HAVCR1: variants seen among roughly 807,000 people sequenced by gnomAD.
HAVCR1 encodes the protein hepatitis A virus cellular receptor 1, also known as T cell immunoglobin domain and mucin domain protein 1.
Under a neutral mutation model 32.0 loss-of-function variants are expected in HAVCR1, and 34 were observed. That is an observed-to-expected ratio of 1.06 (90% CI 0.81 to 1.42). The LOEUF (loss-of-function observed/expected upper bound fraction) is 1.42, where lower values mean the gene tolerates loss of function less well. Ranked by LOEUF, HAVCR1 falls within the 40% of genes most tolerant of loss-of-function variation. HAVCR1 has a pLI of 0.00. For missense variants in HAVCR1, 420 were observed against 442.3 expected (o/e 0.95, Z 0.45); for synonymous variants, 178 against 170.3 (o/e 1.05, Z -0.35).
the HAVCR1 span, among the ~76,000 whole-genome samples, chr5:157,066,522 G>T: frequency 8.3e-6 from 1 of 120,002 alleles, no homozygotes; most frequent in African/African-American, 2.9e-5. Context: ...AAAAATAAAA[G>T]TTTTGCAAAA....
At chr5:157,042,479 A>C (rs1324741956) in intron 6 of HAVCR1, 148 bp downstream of exon 6, 6 of 538,092 alleles carry the variant, frequency 1.1e-5, no homozygotes, top group South Asian at 3.0e-5. Flanking sequence ...ATCCTATTTA[A>C]GAGTGAAATT....
intron 3 of HAVCR1, among the ~76,000 whole-genome samples, chr5:157,054,868 G>A (rs966211490): frequency 3.9e-5 from 6 of 152,304 alleles, no homozygotes; most frequent in African/African-American, 1.4e-4. Flanking sequence ...ATGGGACTAT[G>A]TGCATAGTTT....
the HAVCR1 span, among the ~76,000 whole-genome samples, chr5:157,066,052 T>C: frequency 5.9e-3 from 331 of 56,014 alleles, 6 homozygotes; most frequent in African/African-American, 0.029. Context: ...CGAGACTCCG[T>C]CTTAAAAAAA....
chr5:157,061,282 C>A (rs1268256006), upstream of HAVCR1, among the ~76,000 whole-genome samples: 6 of 151,954 alleles, frequency 3.9e-5, no homozygotes, highest in Non-Finnish European at 8.8e-5. Context: ...TGAGATGGCA[C>A]CACTGCACTC....
intron 2 of HAVCR1, among the ~76,000 whole-genome samples, chr5:157,057,511 T>A (rs1756284272): frequency 6.6e-6 from 1 of 151,144 alleles, no homozygotes; most frequent in South Asian, 2.1e-4. Context: ...AAAAATACAA[T>A]AAGGATTAAC....
chr5:157,034,933 C>T, intron 7 of HAVCR1, among the ~76,000 whole-genome samples: 1 of 152,046 alleles, frequency 6.6e-6, no homozygotes, highest in East Asian at 1.9e-4. Context: ...TTCCTTATGT[C>T]TTCTTCTTTC....
At chr5:157,068,352 T>C in the HAVCR1 span, among the ~76,000 whole-genome samples, 8 of 151,956 alleles carry the variant, frequency 5.3e-5, no homozygotes, top group Non-Finnish European at 8.8e-5. Flanking sequence ...GGGAGGCCGA[T>C]GCAAGTGGAT....
intron 6 of HAVCR1, among the ~76,000 whole-genome samples, chr5:157,039,537 G>T (rs6862569): frequency 1.3e-5 from 2 of 151,852 alleles, no homozygotes; most frequent in Non-Finnish European, 2.9e-5. Context: ...TTAGTACAGA[G>T]GAGGTTTCAT....
intron 6 of HAVCR1, among the ~76,000 whole-genome samples, chr5:157,037,906 T>A (rs1209451691): frequency 6.6e-6 from 1 of 151,774 alleles, no homozygotes; most frequent in Admixed American, 6.6e-5. Flanking sequence ...CCCAGCTACT[T>A]GGGAGGCGGA....
intron 7 of HAVCR1, among the ~76,000 whole-genome samples, chr5:157,035,071 A>G (rs1009390236): frequency 2.6e-5 from 4 of 152,136 alleles, no homozygotes; most frequent in Non-Finnish European, 5.9e-5. Context: ...AGAAAAGGGT[A>G]TTTAAGCTCC....
chr5:157,056,976 T>C (rs1350469094), intron 2 of HAVCR1, among the ~76,000 whole-genome samples: 1 of 151,556 alleles, frequency 6.6e-6, no homozygotes, highest in African/African-American at 2.4e-5. Flanking sequence ...GAGACTGAGG[T>C]GGGAGAATCA....
At chr5:157,041,891 T>A (rs1754919939) in intron 6 of HAVCR1, among the ~76,000 whole-genome samples, 1 of 152,142 alleles carries the variant, frequency 6.6e-6, no homozygotes, top group Non-Finnish European at 1.5e-5. Flanking sequence ...AAACCCCACC[T>A]CTACTAAAAA....
chr5:157,042,372 G>A (rs974686343), intron 6 of HAVCR1, among the ~76,000 whole-genome samples: 1 of 148,790 alleles, frequency 6.7e-6, no homozygotes, highest in African/African-American at 2.5e-5. Context: ...AACCCGGGAA[G>A]CGGAGCTTAC....
rs1335598182 is a variant in HAVCR1 at position 157,041,507 on chromosome 5, AAAAG to A, written c.837+1116_837+1119del. Among the ~76,000 whole-genome samples, 24 of 152,256 alleles carry A rather than the reference AAAAG, an allele frequency of 1.6e-4. No homozygotes were observed. In the East Asian group the frequency reaches 3.1e-3, roughly 20 times the overall value. ...AACAAGACTGTCTCAAAAAATAAAA[AAAAG>A]AAAGAAAGAATAAAAAGTCATCCCA... On this transcript the variant is annotated intron_variant, in intron 6 of 8. Transcript: ENST00000523175.
Position 157,052,438 on chromosome 5 carries a change from G to A in HAVCR1, c.596C>T (p.Thr199Ile), listed in dbSNP as rs1755797435. Residue 199 changes from threonine (T) to isoleucine (I), a missense_variant, in exon 4 of 9, where the codon ACA (threonine) becomes ATA (isoleucine). Coordinates refer to ENST00000523175, the MANE Select transcript of HAVCR1 (RefSeq NM_001173393.3). ...SVPTTTSIPT[T>I]TSVPVTTTVS... ...AGTTGTTGTCACTGGAACACTTGTT[G>A]TTGTTGGAATGCTCGTTGTCGTTGG... 6.2e-7 allele frequency: 1 copy of A among 1,613,416 alleles called. No individual in the cohort carries two copies. The highest frequency in any genetic ancestry group is 8.5e-7 in the Non-Finnish European group (1 of 1,179,546).
intron 7 of HAVCR1, among the ~76,000 whole-genome samples, chr5:157,035,476 G>A (rs1320912798): frequency 1.3e-5 from 2 of 152,150 alleles, no homozygotes; most frequent in Admixed American, 6.6e-5. Context: ...TAGCAGAAGG[G>A]AGACATGAAG....
chr5:157,057,318 A>G (rs1186056643), intron 2 of HAVCR1, among the ~76,000 whole-genome samples: 2 of 150,740 alleles, frequency 1.3e-5, no homozygotes, highest in African/African-American at 4.9e-5. Flanking sequence ...TCTGTCTCAA[A>G]AAAAAAAAGA....
intron 3 of HAVCR1, among the ~76,000 whole-genome samples, chr5:157,053,079 A>AT (rs772147353): frequency 5.9e-5 from 9 of 152,050 alleles, no homozygotes; most frequent in Non-Finnish European, 1.3e-4. Flanking sequence ...CACCCGGCTA[A>AT]TTTTTAAAAA....
At chr5:157,035,238 A>G (rs569171788) in intron 7 of HAVCR1, among the ~76,000 whole-genome samples, 1 of 152,232 alleles carries the variant, frequency 6.6e-6, no homozygotes, top group South Asian at 2.1e-4. Flanking sequence ...ACTTCCCTGC[A>G]AGGTATTTTA....
Sources: gnomAD v4.1 joint callset for allele counts (sites outside exome capture counted in the v4.1 genomes callset) on GRCh38, gnomAD v4.1.1 for gene constraint, MANE v1.5 for transcripts, NCBI Gene and HGNC (gene_info 2026-07-23, HGNC 2026-07-21) for gene names.